Variants in COL28A1 observed in about 807,000 individuals in gnomAD.
The protein encoded by COL28A1 is collagen type XXVIII alpha 1 chain.
In COL28A1, 161 loss-of-function variants were observed where a neutral mutation model predicts 150.2. The ratio of observed to expected loss-of-function variants is 1.07; its 90% confidence interval spans 0.94 to 1.22. The LOEUF (loss-of-function observed/expected upper bound fraction) is 1.22. Ranked by LOEUF, COL28A1 falls within the 50% of genes most tolerant of loss-of-function variation. COL28A1 has a pLI of 0.00. For missense variants in COL28A1, 1,617 were observed against 1,388.3 expected, an observed-to-expected ratio of 1.16 and a Z score of -2.62; for synonymous variants, 552 against 469.7, an observed-to-expected ratio of 1.18 and a Z score of -2.26.
At chr7:7,482,477 A>T (rs1036376668) in intron 13 of COL28A1, among the ~76,000 whole-genome samples, 1 of 151,672 alleles carries the variant, frequency 6.6e-6, no homozygotes, top group Non-Finnish European at 1.5e-5. Context: ...ATGAGCCAAG[A>T]TCGCCCAATT....
At chr7:7,473,034 G>C (rs1002136738) in intron 15 of COL28A1, among the ~76,000 whole-genome samples, 6 of 152,160 alleles carry the variant, frequency 3.9e-5, no homozygotes, top group African/African-American at 1.2e-4. Context: ...GCTCAAGATG[G>C]ATCAAGAACT....
At chr7:7,349,757 T>C in the COL28A1 span, among the ~76,000 whole-genome samples, 1 of 152,130 alleles carries the variant, frequency 6.6e-6, no homozygotes, top group African/African-American at 2.4e-5. Flanking sequence ...TCATATATTT[T>C]ATCTGTTTTT....
At chr7:7,443,782 CTA>C (rs1786003706) in intron 19 of COL28A1, 129 bp from the exon 20 acceptor site, 1 of 1,307,312 alleles carries the variant, frequency 7.6e-7, no homozygotes, top group Non-Finnish European at 1.0e-6. Flanking sequence ...TACCTTCACT[CTA>C]GTCTCAAAAT....
chr7:7,417,278 G>A (rs969368723), intron 27 of COL28A1, among the ~76,000 whole-genome samples: 7 of 151,704 alleles, frequency 4.6e-5, no homozygotes, highest in African/African-American at 1.7e-4. Flanking sequence ...CACAGACTCA[G>A]GGCCTAGAAT....
chr7:7,370,230 A>G (rs1207269577), intron 33 of COL28A1, among the ~76,000 whole-genome samples: 2 of 152,190 alleles, frequency 1.3e-5, no homozygotes, highest in African/African-American at 4.8e-5. Context: ...CCTCACTCAG[A>G]GCACAGGAGG....
At chr7:7,397,218 C>T (rs539030640) in intron 27 of COL28A1, among the ~76,000 whole-genome samples, 1 of 152,240 alleles carries the variant, frequency 6.6e-6, no homozygotes, top group African/African-American at 2.4e-5. Flanking sequence ...TTTTCAGCTG[C>T]TGGTGGCCAC....
the COL28A1 span, among the ~76,000 whole-genome samples, chr7:7,342,710 T>C: frequency 6.6e-6 from 1 of 152,036 alleles, no homozygotes; most frequent in Admixed American, 6.6e-5. Context: ...CTTACCTCCT[T>C]TTACTCACTT....
In COL28A1 at chr7:7,474,676, G is replaced by A. The variant is rs923184605; in HGVS notation, c.1234-7C>T. The A allele has an allele frequency of 1.8e-5, 22 of 1,247,010 alleles. No individual in the cohort carries two copies. The highest frequency in any genetic ancestry group is 8.4e-5 in the Admixed American group (5 of 59,452). The allele number at this position is 1,247,010 out of a possible 1,614,324, so 77.2% of individuals were successfully genotyped here. A position where few individuals can be genotyped will look rare whatever the true frequency, so the allele number is the denominator to read the frequency against. ...CTTCAGAACCTTTTTCACCCTGAAA[G>A]TACAAGGGAGGGATATCAATGCACC... is the stretch of plus-strand genomic sequence containing the variant. On this transcript the variant is annotated splice_region_variant and splice_polypyrimidine_tract_variant and intron_variant, in intron 14 of 34. Transcript: ENST00000399429.
chr7:7,447,659 T>C (rs1786364476), intron 18 of COL28A1, among the ~76,000 whole-genome samples: 1 of 152,034 alleles, frequency 6.6e-6, no homozygotes, highest in South Asian at 2.1e-4. Context: ...ATATGAAGGA[T>C]ACAAATTAAA....
intron 11 of COL28A1, among the ~76,000 whole-genome samples, chr7:7,504,502 A>G (rs754906061): frequency 6.6e-6 from 1 of 152,240 alleles, no homozygotes; most frequent in Non-Finnish European, 1.5e-5. Context: ...CCTATCTCTA[A>G]AAAAGAGAGA....
chr7:7,489,698 T>C (rs1329762560), intron 12 of COL28A1, among the ~76,000 whole-genome samples: 2 of 152,200 alleles, frequency 1.3e-5, no homozygotes, highest in African/African-American at 4.8e-5. Context: ...TTTCACAAAA[T>C]ATTGTGTAAG....
the COL28A1 span, among the ~76,000 whole-genome samples, chr7:7,542,662 A>G: frequency 6.6e-6 from 1 of 152,194 alleles, no homozygotes; most frequent in Non-Finnish European, 1.5e-5. Context: ...AAAGGGTTTA[A>G]ACTTTATCTT....
chr7:7,538,954 CTTTT>C (rs575564044), upstream of COL28A1, among the ~76,000 whole-genome samples: 235 of 150,080 alleles, frequency 1.6e-3, 2 homozygotes, highest in African/African-American at 5.3e-3. Flanking sequence ...TTCTTTCTTT[CTTTT>C]TTTCTTTTTC....
intron 1 of COL28A1, among the ~76,000 whole-genome samples, chr7:7,533,894 G>A (rs1046085618): frequency 2.6e-5 from 4 of 152,110 alleles, no homozygotes; most frequent in Admixed American, 2.0e-4. Flanking sequence ...CTTGCCTGCT[G>A]AAACTTTATT....
At chr7:7,458,722 A>G (rs974092326) in intron 15 of COL28A1, among the ~76,000 whole-genome samples, 3 of 152,206 alleles carry the variant, frequency 2.0e-5, no homozygotes, top group Non-Finnish European at 4.4e-5. Context: ...CAACCCCTGT[A>G]AAGTGGCCAT....
intron 8 of COL28A1, 84 bp from the exon 9 acceptor site, chr7:7,511,219 T>A: frequency 9.0e-7 from 1 of 1,115,280 alleles, no homozygotes; most frequent in Non-Finnish European, 1.3e-6. Context: ...TTTTTTAAAT[T>A]CCCAGCAGAC....
chr7:7,425,263 A>T (rs1250355471), intron 25 of COL28A1, among the ~76,000 whole-genome samples: 5 of 152,148 alleles, frequency 3.3e-5, no homozygotes, highest in African/African-American at 1.2e-4. Context: ...ATGACTCCAG[A>T]ACCCATCTCC....
chr7:7,370,297 A>T (rs1210874780), intron 33 of COL28A1, among the ~76,000 whole-genome samples: 2 of 152,190 alleles, frequency 1.3e-5, no homozygotes. Context: ...CCAGTTGGGC[A>T]TATGCGTATT....
At chr7:7,490,905 T>G (rs539999680) in intron 11 of COL28A1, among the ~76,000 whole-genome samples, 1 of 152,322 alleles carries the variant, frequency 6.6e-6, no homozygotes, top group South Asian at 2.1e-4. Flanking sequence ...CAATTGTAAT[T>G]TTTTGATTCA....
Sources: gnomAD v4.1 joint callset for allele counts (sites outside exome capture counted in the v4.1 genomes callset) on GRCh38, gnomAD v4.1.1 for gene constraint, MANE v1.5 for transcripts, NCBI Gene and HGNC (gene_info 2026-07-23, HGNC 2026-07-21) for gene names.